SH3BP5: variants seen among roughly 807,000 people sequenced by gnomAD.
SH3BP5 encodes the protein SH3 domain-binding protein 5.
Under a neutral mutation model 43.3 loss-of-function variants are expected in SH3BP5, and 22 were observed. The observed-to-expected ratio is 0.51, with a 90% CI of 0.36 to 0.73. SH3BP5 has a LOEUF of 0.73. SH3BP5 is among the 30% of genes least tolerant of loss of function. SH3BP5 has a pLI of 0.00. For missense variants in SH3BP5, 529 were observed against 586.9 expected, an observed-to-expected ratio of 0.90 and a Z score of 1.02; for synonymous variants, 255 against 225.8, an observed-to-expected ratio of 1.13 and a Z score of -1.16.
At chr3:15,336,437 C>T (rs142572337), upstream of SH3BP5, among the ~76,000 whole-genome samples, 227 of 152,176 alleles carry the variant, frequency 1.5e-3, 1 homozygote, top group East Asian at 0.026. Flanking sequence ...GAAATTGACT[C>T]GGTGGACATT....
At chr3:15,328,318 A>T (rs1698515545) in intron 2 of SH3BP5, among the ~76,000 whole-genome samples, 2 of 152,180 alleles carry the variant, frequency 1.3e-5, no homozygotes, top group African/African-American at 2.4e-5. Flanking sequence ...TCACCCCAAG[A>T]AAGTAAGCAC....
chr3:15,286,883 T>C (rs1697278905), intron 3 of SH3BP5, among the ~76,000 whole-genome samples: 1 of 152,196 alleles, frequency 6.6e-6, no homozygotes, highest in South Asian at 2.1e-4. Flanking sequence ...TCATTTTTCA[T>C]CTTTACTTTG....
Position 15,256,949 on chromosome 3 carries a change from G to A in SH3BP5, c.1054C>T (p.Pro352Ser), listed in dbSNP as rs751868096. Residue 352 changes from proline (P) to serine (S), a missense_variant, in exon 8 of 9, where the codon CCT becomes TCT. By Grantham distance (74) the Pro-to-Ser change is moderately conservative (BLOSUM62 -1). This residue lies in a region of SH3BP5 where 369 missense variants were observed against 384.3 expected (regional missense o/e 0.96). Coordinates refer to ENST00000383791, the MANE Select transcript of SH3BP5 (RefSeq NM_004844.5). The stretch of plus-strand genomic sequence containing the variant: ...ATCCCAAACTCTGACAGGGACACAG[G>A]GCTGGGCAGATCCAGGCTGCCAGGC... ...VRPGSLDLPS[P>S]VSLSEFGMMF... 2.5e-6 allele frequency: 4 copies of A among 1,614,198 alleles called. No individual in the cohort carries two copies. The highest frequency in any genetic ancestry group is 3.3e-5 in the Admixed American group (2 of 60,032).
chr3:15,315,253 TC>T (rs1698157142), intron 2 of SH3BP5, among the ~76,000 whole-genome samples: 1 of 151,790 alleles, frequency 6.6e-6, no homozygotes, highest in South Asian at 2.1e-4. Flanking sequence ...CAGTGACACT[TC>T]CCCTCCCTTG....
intron 1 of SH3BP5, among the ~76,000 whole-genome samples, chr3:15,338,830 C>T (rs1160928768): frequency 6.6e-6 from 1 of 152,062 alleles, no homozygotes; most frequent in African/African-American, 2.4e-5. Context: ...CTGGCTGGCC[C>T]CTTTAGGATG....
Position 15,256,132 on chromosome 3 carries a change from C to T in SH3BP5, c.1322G>A (p.Gly441Glu). 2 of 1,614,230 alleles carry T rather than the reference C, an allele frequency of 1.2e-6. No homozygotes were observed. Among genetic ancestry groups the T allele is most frequent in the South Asian group, 1.1e-5 (1 of 91,084 alleles). The change falls in exon 9 of 9, where the codon GGA (glycine) becomes GAA (glutamate). Residue 441 changes from glycine (G) to glutamate (E), a missense_variant. By Grantham distance (98) the Gly-to-Glu change is moderately conservative (BLOSUM62 -2). Transcript: ENST00000383791. ...MKQLSLQCSK[G>E]RDGIIADIKM... ...TATGTCAGCAATAATTCCATCTCTT[C>T]CCTTTGAGCACTGTAGGGAGAGCTG... is the stretch of plus-strand genomic sequence containing the variant.
chr3:15,268,127 A>C (rs1327191308), intron 4 of SH3BP5, among the ~76,000 whole-genome samples: 1 of 152,230 alleles, frequency 6.6e-6, no homozygotes, highest in Non-Finnish European at 1.5e-5. Context: ...ACTAGGGGGC[A>C]GGAGGCGCAA....
At chr3:15,273,731 C>A (rs1008703082) in intron 3 of SH3BP5, among the ~76,000 whole-genome samples, 1 of 152,168 alleles carries the variant, frequency 6.6e-6, no homozygotes, top group Non-Finnish European at 1.5e-5. Flanking sequence ...AGCTAAAGAC[C>A]CTCACTTCCC....
intron 3 of SH3BP5, among the ~76,000 whole-genome samples, chr3:15,303,799 T>C (rs1246777201): frequency 2.0e-5 from 3 of 152,140 alleles, no homozygotes; most frequent in African/African-American, 7.2e-5. Context: ...ATCTTCCTAC[T>C]GCTGTCTGAC....
chr3:15,331,742 C>G (rs1018337118), intron 1 of SH3BP5: 1 of 152,944 alleles, frequency 6.5e-6, no homozygotes, highest in South Asian at 2.0e-4. Flanking sequence ...GCTCAGTTCG[C>G]TAACAATCAA....
chr3:15,256,473 C>T, intron 8 of SH3BP5, 170 bp from the exon 9 acceptor site: 2 of 691,626 alleles, frequency 2.9e-6, no homozygotes, highest in Non-Finnish European at 5.0e-6. Flanking sequence ...CCGTGCCTAT[C>T]AGAGAGGTTC....
chr3:15,294,077 C>CA (rs111324706), intron 3 of SH3BP5, among the ~76,000 whole-genome samples: 2,539 of 70,494 alleles, frequency 0.036, 49 homozygotes, highest in Non-Finnish European at 0.052. Flanking sequence ...GTCTCCATCT[C>CA]AAAAAAAAAA....
chr3:15,259,891 C>T, intron 5 of SH3BP5, 88 bp from the exon 6 acceptor site: 1 of 1,208,854 alleles, frequency 8.3e-7, no homozygotes, highest in Non-Finnish European at 1.2e-6. Flanking sequence ...GCATCAGCTA[C>T]CACTGGCCAG....
chr3:15,305,160 T>C (rs1697867873), intron 2 of SH3BP5, among the ~76,000 whole-genome samples: 1 of 152,100 alleles, frequency 6.6e-6, no homozygotes, highest in African/African-American at 2.4e-5. Context: ...ATTTTTTAAT[T>C]AACATGGCTA....
chr3:15,296,599 T>C (rs2125101688), intron 3 of SH3BP5, among the ~76,000 whole-genome samples: 1 of 152,174 alleles, frequency 6.6e-6, no homozygotes, highest in Middle Eastern at 3.4e-3. Flanking sequence ...CACACAGACA[T>C]GTAAAGTAAT....
At chr3:15,308,150 C>T (rs1177323707) in intron 2 of SH3BP5, among the ~76,000 whole-genome samples, 5 of 152,306 alleles carry the variant, frequency 3.3e-5, no homozygotes, top group South Asian at 2.1e-4. Context: ...CCTGCCCAGC[C>T]GCTAAAGATA....
chr3:15,336,693 G>A (rs1409165946), upstream of SH3BP5, among the ~76,000 whole-genome samples: 1 of 152,130 alleles, frequency 6.6e-6, no homozygotes, highest in Non-Finnish European at 1.5e-5. Context: ...ACCCACCTAT[G>A]GTTTGAGAGT....
chr3:15,327,088 C>T (rs1698482304), intron 2 of SH3BP5, among the ~76,000 whole-genome samples: 1 of 152,108 alleles, frequency 6.6e-6, no homozygotes, highest in Admixed American at 6.5e-5. Flanking sequence ...CAAGACTGGG[C>T]ACGGTGGCTC....
At chr3:15,266,969 A>T (rs1696663965) in intron 4 of SH3BP5, among the ~76,000 whole-genome samples, 1 of 152,258 alleles carries the variant, frequency 6.6e-6, no homozygotes, top group Non-Finnish European at 1.5e-5. Context: ...CATTTCTTCA[A>T]GACAGCCCTG....
Sources: allele counts gnomAD v4.1 joint callset (sites outside exome capture counted in the v4.1 genomes callset), GRCh38; gene constraint gnomAD v4.1.1; regional missense constraint gnomAD v4.1.1; transcripts MANE v1.5; gene names NCBI Gene and HGNC (gene_info 2026-07-23, HGNC 2026-07-21).